PDE5A: variants seen among roughly 807,000 people sequenced by gnomAD.
PDE5A encodes cGMP-specific 3',5'-cyclic phosphodiesterase.
Under a neutral mutation model 110.2 loss-of-function variants are expected in PDE5A, and 67 were observed. That is an observed-to-expected ratio of 0.61 (90% CI 0.50 to 0.75). The LOEUF is 0.75. Among genes scored for constraint, PDE5A ranks in the 30% least tolerant of loss-of-function variants. The pLI is 0.00. For missense variants in PDE5A, 862 were observed against 1,045.1 expected (o/e 0.82, Z 2.42); for synonymous variants, 328 against 351.2 (o/e 0.93, Z 0.74).
At chr4:119,540,188 A>G (rs1275935523) in intron 10 of PDE5A, among the ~76,000 whole-genome samples, 1 of 152,184 alleles carries the variant, frequency 6.6e-6, no homozygotes, top group East Asian at 1.9e-4. Flanking sequence ...AAGCTTAAAA[A>G]GCATTGATGA....
At chr4:119,507,887 T>C (rs917374670) in intron 15 of PDE5A, among the ~76,000 whole-genome samples, 183 bp from the exon 16 acceptor site, 46 of 151,950 alleles carry the variant, frequency 3.0e-4, no homozygotes, top group African/African-American at 1.1e-3. Context: ...CTGTCATACA[T>C]GTAAACCGCT....
chr4:119,507,847 G>A, intron 15 of PDE5A, 143 bp from the exon 16 acceptor site: 2 of 609,810 alleles, frequency 3.3e-6, no homozygotes, highest in South Asian at 2.0e-5. Flanking sequence ...ATGAAATAAA[G>A]TTTCCCCTCT....
At position 119,607,308 on chromosome 4, in the gene PDE5A, G is replaced by A. The variant is rs1375885663; in HGVS notation, c.153-11C>T. 3 of 1,568,128 alleles carry A rather than the reference G, an allele frequency of 1.9e-6. No homozygotes were observed. In the African/African-American group the frequency reaches 4.0e-5, roughly 21 times the overall value. On this transcript the variant is annotated splice_polypyrimidine_tract_variant and intron_variant, in intron 1 of 20. Transcript: ENST00000354960. Reference sequence around the variant, plus strand: ...GCATTGACCATTTCTCTGCAGAACAGAACGTGCAGACACATTAGATACTTG... The same window carrying A: ...GCATTGACCATTTCTCTGCAGAACAAAACGTGCAGACACATTAGATACTTG...
rs113890665 is a variant in PDE5A at position 119,628,378 on chromosome 4, G to A, written c.152+142C>T. The A allele has an allele frequency of 0.058, 33,060 of 570,058 alleles. 1,330 individuals carry two copies. Among genetic ancestry groups the A allele is most frequent in the South Asian group, 0.14 (4,289 of 31,046 alleles). The allele number at this position is 570,058 out of a possible 1,614,324, so 35.3% of individuals were successfully genotyped here. On this transcript the variant is annotated intron_variant, in intron 1 of 20. Coordinates refer to ENST00000354960, the MANE Select transcript of PDE5A (RefSeq NM_001083.4). The stretch of plus-strand genomic sequence containing the variant: ...ACACTTGAGTTTTTCGACTGTGCTC[G>A]CTTAGAGTTGAGGTTTCTACCTCGT...
chr4:119,521,138 G>A (rs1014553264), intron 12 of PDE5A, 78 bp from the exon 13 acceptor site: 5 of 1,398,110 alleles, frequency 3.6e-6, no homozygotes, highest in Non-Finnish European at 4.9e-6. Context: ...ACACTACAAA[G>A]CATTCACATT....
intron 1 of PDE5A, among the ~76,000 whole-genome samples, chr4:119,608,020 T>A (rs1173429942): frequency 1.3e-5 from 2 of 152,210 alleles, no homozygotes; most frequent in Middle Eastern, 3.2e-3. Context: ...CAAATATTTG[T>A]CTAAATTTGG....
At chr4:119,596,402 G>A in intron 3 of PDE5A, 121 bp downstream of exon 3, 1 of 473,074 alleles carries the variant, frequency 2.1e-6, no homozygotes, top group Non-Finnish European at 3.7e-6. Context: ...GAACATTTAA[G>A]AACTTTATAG....
At chr4:119,578,419 G>A (rs368993378) in intron 3 of PDE5A, among the ~76,000 whole-genome samples, 7 of 152,062 alleles carry the variant, frequency 4.6e-5, no homozygotes, top group East Asian at 3.9e-4. Flanking sequence ...GAGGCATCAC[G>A]CTACCTGACT....
chr4:119,506,007 T>C (rs1284734244), intron 16 of PDE5A, 75 bp from the exon 17 acceptor site: 3 of 718,674 alleles, frequency 4.2e-6, no homozygotes, highest in Non-Finnish European at 4.4e-6. Flanking sequence ...CAAAGACTCA[T>C]GGACTAAATT....
chr4:119,590,230 C>T (rs1213901904), intron 3 of PDE5A, among the ~76,000 whole-genome samples: 4 of 152,154 alleles, frequency 2.6e-5, no homozygotes, highest in African/African-American at 7.2e-5. Context: ...ATTAAATGAA[C>T]TAATACTTGC....
intron 3 of PDE5A, among the ~76,000 whole-genome samples, chr4:119,574,929 A>G (rs953076417): frequency 2.6e-5 from 4 of 152,328 alleles, no homozygotes; most frequent in Non-Finnish European, 5.9e-5. Flanking sequence ...AAAACTCATC[A>G]AATTGTTCAT....
At chr4:119,522,086 T>C (rs1216666058) in intron 12 of PDE5A, among the ~76,000 whole-genome samples, 1 of 152,100 alleles carries the variant, frequency 6.6e-6, no homozygotes, top group Non-Finnish European at 1.5e-5. Context: ...ACAAGGTTTC[T>C]TCATTGTCGG....
chr4:119,602,254 T>C (rs1286328353), intron 2 of PDE5A, among the ~76,000 whole-genome samples: 2 of 152,148 alleles, frequency 1.3e-5, no homozygotes, highest in African/African-American at 4.8e-5. Context: ...TATTAAATCT[T>C]TCAGAAATAA....
intron 3 of PDE5A, among the ~76,000 whole-genome samples, chr4:119,571,309 T>G (rs1728133240): frequency 6.6e-6 from 1 of 152,052 alleles, no homozygotes. Context: ...ACAAACGGGG[T>G]TTTTGACATG....
intron 1 of PDE5A, among the ~76,000 whole-genome samples, chr4:119,614,731 A>C (rs1023293609): frequency 6.6e-6 from 1 of 152,204 alleles, no homozygotes; most frequent in Non-Finnish European, 1.5e-5. Flanking sequence ...ACTGCAAACT[A>C]CTTATAAAAG....
intron 20 of PDE5A, among the ~76,000 whole-genome samples, chr4:119,500,454 T>C (rs938897441): frequency 6.6e-5 from 10 of 152,114 alleles, no homozygotes; most frequent in Non-Finnish European, 1.5e-4. Context: ...AGATGAACTT[T>C]ACAAGTTCAA....
intron 4 of PDE5A, among the ~76,000 whole-genome samples, chr4:119,566,218 A>G (rs1727928440): frequency 1.3e-5 from 2 of 152,126 alleles, no homozygotes; most frequent in Admixed American, 1.3e-4. Context: ...AGTATTTGCT[A>G]TGTTCTGAAG....
chr4:119,550,459 A>G (rs1424112792), intron 9 of PDE5A: 2 of 152,242 alleles, frequency 1.3e-5, no homozygotes, highest in Admixed American at 6.5e-5. Flanking sequence ...TAATGTGCCC[A>G]TAAGTGTGGC....
intron 1 of PDE5A, among the ~76,000 whole-genome samples, chr4:119,612,056 A>C (rs1173093227): frequency 2.0e-5 from 3 of 152,226 alleles, no homozygotes; most frequent in Non-Finnish European, 4.4e-5. Context: ...TGAAATTAAA[A>C]TTCTTATATA....
Sources: allele counts gnomAD v4.1 joint callset (sites outside exome capture counted in the v4.1 genomes callset), GRCh38; gene constraint gnomAD v4.1.1; transcripts MANE v1.5; gene names NCBI Gene and HGNC (gene_info 2026-07-23, HGNC 2026-07-21).